Variants in AKAIN1 observed in about 807,000 individuals in gnomAD.
AKAIN1 encodes the protein A-kinase anchor inhibitor 1.
AKAIN1 carries 3 observed loss-of-function variants against 3.7 expected under a neutral mutation model. The observed-to-expected ratio is 0.82, with a 90% CI of 0.37 to 2.12. The LOEUF (loss-of-function observed/expected upper bound fraction) is 2.12. AKAIN1 is among the 30% of genes most tolerant of loss of function. The pLI, the probability that AKAIN1 is intolerant of heterozygous loss-of-function variation, is 0.06. For missense variants in AKAIN1, 82 were observed against 82.7 expected, an observed-to-expected ratio of 0.99 and a Z score of 0.03; for synonymous variants, 31 against 30.8, an observed-to-expected ratio of 1.01 and a Z score of -0.02.
chr18:5,180,719 C>T (rs1463655109), intron 1 of AKAIN1, among the ~76,000 whole-genome samples: 3 of 152,042 alleles, frequency 2.0e-5, no homozygotes, highest in South Asian at 4.1e-4. Context: ...ATCTCTTCTA[C>T]AGTATGGCAA....
chr18:5,151,018 C>G (rs1276241259), intron 1 of AKAIN1, among the ~76,000 whole-genome samples: 1 of 152,006 alleles, frequency 6.6e-6, no homozygotes, highest in East Asian at 1.9e-4. Context: ...GATAGGGCAC[C>G]AGAGGTTGTA....
chr18:5,163,341 A>G (rs2143334344), intron 1 of AKAIN1, among the ~76,000 whole-genome samples: 1 of 152,212 alleles, frequency 6.6e-6, no homozygotes, highest in African/African-American at 2.4e-5. Flanking sequence ...TTACTTATCT[A>G]TCCCCTCTCC....
At chr18:5,173,673 A>G (rs1015148170) in intron 1 of AKAIN1, among the ~76,000 whole-genome samples, 3 of 152,096 alleles carry the variant, frequency 2.0e-5, no homozygotes, top group African/African-American at 7.2e-5. Flanking sequence ...AGCTGTTTCA[A>G]TTGCTGATAA....
chr18:5,181,135 A>G (rs1167903702), intron 1 of AKAIN1, among the ~76,000 whole-genome samples: 1 of 151,386 alleles, frequency 6.6e-6, no homozygotes, highest in African/African-American at 2.4e-5. Flanking sequence ...AAAAAAAAAA[A>G]GTAAAATTTA....
chr18:5,197,238 G>GC lies in AKAIN1; in HGVS notation c.-186dup. The stretch of plus-strand genomic sequence containing the variant: ...TGGGGCCGCAGCTCCAGCCGCCGCC[G>GC]CGCGCTCTGCCTCCACAATGCGGCC... On this transcript the variant is annotated 5_prime_UTR_variant, in exon 1 of 2. Transcript: ENST00000434239. The surrounding 1 kb of genome is among the most constrained non-coding windows in gnomAD (Gnocchi z 6.9). 1 of 1,382,962 alleles carries GC rather than the reference G, an allele frequency of 7.2e-7. No individual in the cohort carries two copies. Among genetic ancestry groups the GC allele is most frequent in the Non-Finnish European group, 9.3e-7 (1 of 1,078,748 alleles). The allele number at this position is 1,382,962 out of a possible 1,614,324, so 85.7% of individuals were successfully genotyped here. A position where few individuals can be genotyped will look rare whatever the true frequency, so the allele number is the denominator to read the frequency against.
At position 5,197,175 on chromosome 18, in the gene AKAIN1, G is replaced by A. The variant is rs1237815849; in HGVS notation, c.-122C>T. On this transcript the variant is annotated 5_prime_UTR_variant, in exon 1 of 2. Coordinates refer to ENST00000434239, the MANE Select transcript of AKAIN1 (RefSeq NM_001145194.2). The surrounding 1 kb of genome is among the most constrained non-coding windows in gnomAD (Gnocchi z 6.9). Reference sequence around the variant, plus strand: ...GGCGCGCTGGGCGGGCGGCGGGCGGGGCGGTCAGCACCCCGGACAGCTCCC... The same window carrying A: ...GGCGCGCTGGGCGGGCGGCGGGCGGAGCGGTCAGCACCCCGGACAGCTCCC... 1 of 1,508,286 alleles carries A rather than the reference G, an allele frequency of 6.6e-7. No individual in the cohort carries two copies. The highest frequency in any genetic ancestry group is 1.4e-5 in the African/African-American group (1 of 71,174). The allele number at this position is 1,508,286 out of a possible 1,614,324, so 93.4% of individuals were successfully genotyped here. A position where few individuals can be genotyped will look rare whatever the true frequency, so the allele number is the denominator to read the frequency against.
In AKAIN1 at chr18:5,173,778, G is replaced by T. The variant is rs547868598; in HGVS notation, c.16+23260C>A. 1.9e-4 allele frequency among the ~76,000 whole-genome samples: 29 copies of T among 152,232 alleles called. No individual in the cohort carries two copies. The Middle Eastern group carries it at 0.01, about 54-fold the overall frequency. ...CTAAACACTCTGTTGCACTGATAGC[G>T]CCTGTAGCATTAAGTGCTATGGAAG... On this transcript the variant is annotated intron_variant, in intron 1 of 1. Transcript: ENST00000434239.
intron 1 of AKAIN1, among the ~76,000 whole-genome samples, chr18:5,153,251 A>G (rs1474372336): frequency 1.3e-5 from 2 of 152,018 alleles, no homozygotes; most frequent in Non-Finnish European, 2.9e-5. Flanking sequence ...AAAACTTGCA[A>G]AGGAAAAGAC....
chr18:5,162,207 A>C (rs984602475), intron 1 of AKAIN1, among the ~76,000 whole-genome samples: 1 of 152,050 alleles, frequency 6.6e-6, no homozygotes, highest in Non-Finnish European at 1.5e-5. Flanking sequence ...TAGAAAGAAA[A>C]CTCCAGAAAT....
At chr18:5,172,729 T>C (rs569234506) in intron 1 of AKAIN1, among the ~76,000 whole-genome samples, 75 of 151,884 alleles carry the variant, frequency 4.9e-4, no homozygotes, top group African/African-American at 1.6e-3. Context: ...TATAAAAAAT[T>C]GAAATTTTAC....
chr18:5,184,419 A>G (rs954293052), intron 1 of AKAIN1, among the ~76,000 whole-genome samples: 11 of 152,198 alleles, frequency 7.2e-5, no homozygotes, highest in African/African-American at 2.6e-4. Flanking sequence ...TTTGCAGACA[A>G]TATGATTCTA....
chr18:5,165,960 C>T (rs1179017225), intron 1 of AKAIN1, among the ~76,000 whole-genome samples: 1 of 152,046 alleles, frequency 6.6e-6, no homozygotes, highest in African/African-American at 2.4e-5. Flanking sequence ...CAACAATTCA[C>T]TTGTCATGTC....
Position 5,144,988 on chromosome 18 carries a change from T to G in AKAIN1, c.*574A>C, listed in dbSNP as rs2071040209. On this transcript the variant is annotated 3_prime_UTR_variant, in exon 2 of 2. Transcript: ENST00000434239. ...GAGAAACTTAAACTCCTCCCTTTCT[T>G]AAAATAACATAAATATTAGTAAATG... is the stretch of plus-strand genomic sequence containing the variant. Among the ~76,000 whole-genome samples the G allele has an allele frequency of 6.6e-6, 1 of 152,216 alleles. No individual in the cohort carries two copies. The highest frequency in any genetic ancestry group is 3.2e-3 in the Middle Eastern group (1 of 316).
intron 1 of AKAIN1, among the ~76,000 whole-genome samples, chr18:5,166,591 T>C (rs1287053606): frequency 6.6e-6 from 1 of 152,094 alleles, no homozygotes; most frequent in African/African-American, 2.4e-5. Flanking sequence ...ATGATAAATA[T>C]GCAGAAGAAA....
At chr18:5,191,146 C>A (rs2071315931) in intron 1 of AKAIN1, among the ~76,000 whole-genome samples, 1 of 152,214 alleles carries the variant, frequency 6.6e-6, no homozygotes, top group South Asian at 2.1e-4. Context: ...CTTCTTATTA[C>A]TCCTATTTAA....
chr18:5,188,327 C>G (rs1160828157), intron 1 of AKAIN1, among the ~76,000 whole-genome samples: 1 of 151,968 alleles, frequency 6.6e-6, no homozygotes, highest in East Asian at 1.9e-4. Flanking sequence ...CTTGGCATTG[C>G]CCTACTGAGG....
intron 1 of AKAIN1, among the ~76,000 whole-genome samples, chr18:5,168,000 C>A (rs148282418): frequency 6.3e-4 from 96 of 152,188 alleles, no homozygotes; most frequent in African/African-American, 1.9e-3. Flanking sequence ...GAATGAGACA[C>A]GTGCATGGGC....
intron 1 of AKAIN1, among the ~76,000 whole-genome samples, chr18:5,151,212 C>T (rs1319263434): frequency 6.6e-6 from 1 of 152,186 alleles, no homozygotes; most frequent in Non-Finnish European, 1.5e-5. Context: ...TGGCTTGAGA[C>T]TGCAAAGATA....
rs565834496 is a variant in AKAIN1 at position 5,168,384 on chromosome 18, A to G, written c.17-22629T>C. ...AGCACCTACACTGTCTACTACCTGT[A>G]AAGAAGTTGGATGTTATTTCCACTG... On this transcript the variant is annotated intron_variant, in intron 1 of 1. Coordinates refer to ENST00000434239, the MANE Select transcript of AKAIN1 (RefSeq NM_001145194.2). 1.2e-4 allele frequency among the ~76,000 whole-genome samples: 19 copies of G among 152,230 alleles called. No homozygotes were observed. The South Asian group carries it at 3.7e-3, about 30-fold the overall frequency.
Sources: allele counts gnomAD v4.1 joint callset (sites outside exome capture counted in the v4.1 genomes callset), GRCh38; gene constraint gnomAD v4.1.1; non-coding constraint Gnocchi (gnomAD v3.1); transcripts MANE v1.5; gene names NCBI Gene and HGNC (gene_info 2026-07-23, HGNC 2026-07-21).